AP3B1: variants seen among roughly 807,000 people sequenced by gnomAD.
AP3B1 encodes adaptor related protein complex 3 subunit beta 1.
A neutral mutation model predicts 132.5 loss-of-function variants in AP3B1; 61 were observed. The observed-to-expected ratio is 0.46, with a 90% CI of 0.37 to 0.57. The LOEUF (loss-of-function observed/expected upper bound fraction) is 0.57. Among genes scored for constraint, AP3B1 ranks in the 20% least tolerant of loss-of-function variants. AP3B1 has a pLI of 0.00. For missense variants in AP3B1, 1,120 were observed against 1,289.4 expected (o/e 0.87, Z 2.01); for synonymous variants, 388 against 438.3 (o/e 0.89, Z 1.43).
chr5:78,197,503 C>A (rs1745122692), intron 7 of AP3B1, among the ~76,000 whole-genome samples: 1 of 152,098 alleles, frequency 6.6e-6, no homozygotes, highest in African/African-American at 2.4e-5. Context: ...AGTAGTAGTA[C>A]TTTCTACATA....
chr5:78,081,013 T>A (rs1220842765), intron 22 of AP3B1, among the ~76,000 whole-genome samples: 2 of 152,138 alleles, frequency 1.3e-5, no homozygotes, highest in East Asian at 3.9e-4. Flanking sequence ...AAAATACAAA[T>A]GGATGGCCCT....
intron 14 of AP3B1, among the ~76,000 whole-genome samples, chr5:78,153,906 G>A (rs1743008643): frequency 6.6e-6 from 1 of 152,056 alleles, no homozygotes; most frequent in Non-Finnish European, 1.5e-5. Context: ...TACTGTCCAT[G>A]TCTTGAAAAG....
chr5:78,117,524 G>T (rs989925546), intron 17 of AP3B1, among the ~76,000 whole-genome samples: 5 of 152,040 alleles, frequency 3.3e-5, no homozygotes, highest in Non-Finnish European at 5.9e-5. Context: ...TGCCCAGGCT[G>T]GTCTCTAACT....
At chr5:78,175,547 C>T (rs1744111968) in intron 11 of AP3B1, 79 bp downstream of exon 11, 1 of 1,103,704 alleles carries the variant, frequency 9.1e-7, no homozygotes, top group East Asian at 2.5e-5. Context: ...GGACTGCATC[C>T]CACAGGTGCT....
At chr5:78,118,957 G>A (rs1165275787) in intron 17 of AP3B1, among the ~76,000 whole-genome samples, 1 of 152,144 alleles carries the variant, frequency 6.6e-6, no homozygotes, top group Non-Finnish European at 1.5e-5. Context: ...ACACGGCCGG[G>A]TACTCCCCTG....
chr5:78,097,198 C>G (rs1580342335), intron 21 of AP3B1, among the ~76,000 whole-genome samples: 1 of 130,488 alleles, frequency 7.7e-6, no homozygotes, highest in Non-Finnish European at 1.6e-5. Context: ...AGTGAGGAGC[C>G]CCTCTGCCCG....
At chr5:78,285,351 G>A (rs1294305588) in intron 1 of AP3B1, among the ~76,000 whole-genome samples, 6 of 151,770 alleles carry the variant, frequency 4.0e-5, no homozygotes, top group East Asian at 3.9e-4. Context: ...TGCTTGTCAC[G>A]GTCACCAAAG....
At chr5:78,097,846 G>C (rs1750940655) in intron 21 of AP3B1, among the ~76,000 whole-genome samples, 1 of 152,146 alleles carries the variant, frequency 6.6e-6, no homozygotes, top group African/African-American at 2.4e-5. Context: ...AGCGGGGAAA[G>C]GTGGGGAAAA....
At chr5:78,245,843 T>C (rs1747357032) in intron 2 of AP3B1, among the ~76,000 whole-genome samples, 1 of 152,208 alleles carries the variant, frequency 6.6e-6, no homozygotes, top group East Asian at 1.9e-4. Context: ...GAATATGTCC[T>C]TTTTCATTTT....
intron 1 of AP3B1, among the ~76,000 whole-genome samples, chr5:78,289,980 G>A (rs1221359105): frequency 6.6e-6 from 1 of 152,212 alleles, no homozygotes; most frequent in East Asian, 1.9e-4. Flanking sequence ...AAAAACCTCA[G>A]GCTTTAAGAT....
In AP3B1 at chr5:78,203,749, C is replaced by T. The variant is rs538923052; in HGVS notation, c.786+12306G>A. 1.7e-3 allele frequency among the ~76,000 whole-genome samples: 264 copies of T among 152,210 alleles called. 1 individual carries two copies. The highest frequency in any genetic ancestry group is 2.9e-3 in the Non-Finnish European group (196 of 68,006). ...GGTGCACTTGATGTCATCACACAGG[C>T]CTCTTAAGTCTCTTGAGCTCTGTTC... On this transcript the variant is annotated intron_variant, in intron 7 of 26. Coordinates refer to ENST00000255194, the MANE Select transcript of AP3B1 (RefSeq NM_003664.5).
intron 2 of AP3B1, among the ~76,000 whole-genome samples, chr5:78,245,225 G>A (rs952335046): frequency 3.9e-5 from 6 of 152,168 alleles, no homozygotes; most frequent in African/African-American, 7.2e-5. Flanking sequence ...CGTTCAGGGC[G>A]AAACAGTGAA....
chr5:78,285,110 G>A (rs1260767147), intron 1 of AP3B1, among the ~76,000 whole-genome samples: 5 of 151,022 alleles, frequency 3.3e-5, no homozygotes, highest in South Asian at 2.1e-4. Flanking sequence ...TTAGCTGGGC[G>A]TGGTGGAGGG....
At chr5:78,238,135 G>A (rs1561494721) in intron 3 of AP3B1, among the ~76,000 whole-genome samples, 1 of 152,214 alleles carries the variant, frequency 6.6e-6, no homozygotes, top group Non-Finnish European at 1.5e-5. Flanking sequence ...TACCTCCTGA[G>A]CTCTGCCTAC....
chr5:78,087,503 CAT>C (rs1223843566), intron 22 of AP3B1: 2 of 975,868 alleles, frequency 2.0e-6, no homozygotes, highest in African/African-American at 3.5e-5. Context: ...TATTCCTGTC[CAT>C]ATTTTATTGT....
intron 17 of AP3B1, among the ~76,000 whole-genome samples, chr5:78,120,646 T>C (rs1168352224): frequency 6.6e-6 from 1 of 151,906 alleles, no homozygotes; most frequent in Non-Finnish European, 1.5e-5. Flanking sequence ...GAGCTAACTA[T>C]CCTAAATATA....
chr5:78,185,602 TGGTAGAAAGATTACTTAAGGCCAA>T (rs1580458475), intron 7 of AP3B1, among the ~76,000 whole-genome samples: 1 of 152,202 alleles, frequency 6.6e-6, no homozygotes, highest in South Asian at 2.1e-4. Flanking sequence ...ATTCGTGCTT[TGGTAGAAAGATTACTTAAGGCCAA>T]GGTAGAAAGA....
At chr5:78,222,912 C>T (rs1386142098) in intron 6 of AP3B1, among the ~76,000 whole-genome samples, 2 of 151,932 alleles carry the variant, frequency 1.3e-5, no homozygotes, top group African/African-American at 4.8e-5. Flanking sequence ...CACAGAGGTA[C>T]AGTGCTAGCA....
chr5:78,004,954 GA>G (rs1466272432), intron 26 of AP3B1, among the ~76,000 whole-genome samples: 1 of 152,122 alleles, frequency 6.6e-6, no homozygotes, highest in Non-Finnish European at 1.5e-5. Context: ...GAAACATAAA[GA>G]TCACCAGCCC....
Sources: allele counts gnomAD v4.1 joint callset (sites outside exome capture counted in the v4.1 genomes callset), GRCh38; gene constraint gnomAD v4.1.1; transcripts MANE v1.5; gene names NCBI Gene and HGNC (gene_info 2026-07-23, HGNC 2026-07-21).